The following TYW1 variants were observed in gnomAD, a reference collection of about 807,000 sequenced individuals.
TYW1 encodes the protein tRNA-yW synthesizing protein 1 homolog.
Under a neutral mutation model 96.2 loss-of-function variants are expected in TYW1, and 46 were observed. The observed-to-expected ratio is 0.48, with a 90% CI of 0.38 to 0.61. The LOEUF (loss-of-function observed/expected upper bound fraction) is 0.61. TYW1 is among the 20% of genes least tolerant of loss of function. The pLI is 0.00. For synonymous variants in TYW1, 274 were observed against 323.0 expected (o/e 0.85, Z 1.63); for missense variants, 684 against 909.6 (o/e 0.75, Z 3.19).
intron 13 of TYW1, among the ~76,000 whole-genome samples, chr7:67,141,760 G>T (rs573836311): frequency 6.6e-6 from 1 of 152,346 alleles, no homozygotes; most frequent in African/African-American, 2.4e-5. Context: ...ATGAGGCCAG[G>T]CATGGTGGCT....
chr7:67,229,538 CA>C (rs56827871), intron 15 of TYW1, among the ~76,000 whole-genome samples: 50,721 of 138,948 alleles, frequency 0.37, 9,524 homozygotes, highest in African/African-American at 0.54. Context: ...GACTCCATCT[CA>C]AAAAAAAAAA....
At chr7:66,997,779 C>T (rs1437055612) in intron 1 of TYW1, among the ~76,000 whole-genome samples, 1 of 152,070 alleles carries the variant, frequency 6.6e-6, no homozygotes, top group African/African-American at 2.4e-5. Flanking sequence ...CAGGTGCGCG[C>T]CACCACGCCC....
chr7:67,015,832 G>A (rs1282272872), intron 5 of TYW1, among the ~76,000 whole-genome samples: 1 of 151,790 alleles, frequency 6.6e-6, no homozygotes, highest in Non-Finnish European at 1.5e-5. Flanking sequence ...GTGTGGTGGC[G>A]GGTGCCTGTA....
intron 7 of TYW1, among the ~76,000 whole-genome samples, chr7:67,045,351 C>G (rs1161852088): frequency 2.0e-5 from 3 of 151,858 alleles, no homozygotes; most frequent in African/African-American, 7.3e-5. Flanking sequence ...GCTCAGATGA[C>G]AGGCACATGC....
intron 15 of TYW1, among the ~76,000 whole-genome samples, chr7:67,234,489 T>C (rs1801826245): frequency 6.6e-6 from 1 of 151,904 alleles, no homozygotes; most frequent in African/African-American, 2.4e-5. Context: ...AAGAGAGCCC[T>C]CACCAGAAAC....
intron 11 of TYW1, among the ~76,000 whole-genome samples, chr7:67,096,183 A>T (rs977104025): frequency 6.6e-6 from 1 of 152,148 alleles, no homozygotes; most frequent in African/African-American, 2.4e-5. Flanking sequence ...AGGTCAGGAG[A>T]TCGAGACCAT....
chr7:67,013,929 G>A (rs1290023795), intron 4 of TYW1, among the ~76,000 whole-genome samples: 29 of 151,876 alleles, frequency 1.9e-4, no homozygotes, highest in Admixed American at 1.2e-3. Context: ...ATTTTTAGTA[G>A]AGACGAGGTT....
chr7:67,193,507 C>T (rs1800287847), intron 14 of TYW1, among the ~76,000 whole-genome samples: 1 of 152,152 alleles, frequency 6.6e-6, no homozygotes, highest in Admixed American at 6.5e-5. Flanking sequence ...CATCTGTAAT[C>T]CCAGCACATA....
intron 10 of TYW1, 47 bp downstream of exon 10, chr7:67,067,450 T>C (rs1281683739): frequency 2.5e-6 from 4 of 1,603,842 alleles, no homozygotes; most frequent in Non-Finnish European, 3.4e-6. Context: ...TAATGAGCTG[T>C]GGTAATCAAT....
At chr7:67,222,420 G>A (rs530112194) in intron 15 of TYW1, among the ~76,000 whole-genome samples, 22 of 152,086 alleles carry the variant, frequency 1.4e-4, no homozygotes, top group African/African-American at 5.3e-4. Context: ...TTGTTTATTT[G>A]GAAATGTCTT....
rs541301998 is a variant in TYW1, at chr7:67,094,367, C to T, written c.1385-4174C>T. On this transcript the variant is annotated intron_variant, in intron 11 of 15. Coordinates refer to ENST00000359626, the MANE Select transcript of TYW1 (RefSeq NM_018264.4). ...ATTTCTTTTCCTTTGGTTAGATACC[C>T]GGTAATGGGTTGCTAGGTTGGATGG... 9.9e-5 allele frequency among the ~76,000 whole-genome samples: 15 copies of T among 152,046 alleles called. No individual in the cohort carries two copies. The South Asian group carries it at 1.9e-3, about 19-fold the overall frequency.
chr7:67,037,520 A>G (rs1290589551), intron 7 of TYW1, among the ~76,000 whole-genome samples: 4 of 151,814 alleles, frequency 2.6e-5, no homozygotes, highest in Admixed American at 1.3e-4. Flanking sequence ...AAAAAAAAAA[A>G]AAGATAATCC....
intron 9 of TYW1, among the ~76,000 whole-genome samples, chr7:67,063,673 G>A (rs1458013316): frequency 6.6e-6 from 1 of 151,688 alleles, no homozygotes; most frequent in Non-Finnish European, 1.5e-5. Context: ...GCGCGATCTC[G>A]GCTCACTGCA....
chr7:67,180,388 ATATATATATATATATATT>A (rs892349101), intron 13 of TYW1, among the ~76,000 whole-genome samples: 1 of 111,994 alleles, frequency 8.9e-6, no homozygotes, highest in African/African-American at 4.0e-5. Context: ...CTGTTGGTTT[ATATATATATATATATATT>A]TATATATATA....
At chr7:67,137,532 C>G (rs1798304056) in intron 13 of TYW1, among the ~76,000 whole-genome samples, 1 of 152,152 alleles carries the variant, frequency 6.6e-6, no homozygotes, top group South Asian at 2.1e-4. Context: ...GACAGCCTAC[C>G]TAACAGGAAA....
rs1225873413 is a variant in TYW1 at position 67,238,728 on chromosome 7, C to T, written c.*199C>T. ...GGGCCACAGCCCCGATGTTTCTTTT[C>T]AGAACTCAGCCCCTTTCCTGATTTT... On this transcript the variant is annotated 3_prime_UTR_variant, in exon 16 of 16. Coordinates refer to ENST00000359626, the MANE Select transcript of TYW1 (RefSeq NM_018264.4). The T allele has an allele frequency of 2.1e-6, 3 of 1,407,106 alleles. No homozygotes were observed. The African/African-American group carries it at 4.3e-5, about 20-fold the overall frequency. The allele number at this position is 1,407,106 out of a possible 1,614,324, so 87.2% of individuals were successfully genotyped here. A position where few individuals can be genotyped will look rare whatever the true frequency, so the allele number is the denominator to read the frequency against.
intron 13 of TYW1, among the ~76,000 whole-genome samples, chr7:67,123,476 G>A (rs1444497763): frequency 6.6e-6 from 1 of 152,130 alleles, no homozygotes; most frequent in Non-Finnish European, 1.5e-5. Context: ...ACCTAATATC[G>A]TTTTAGAGAA....
chr7:67,160,522 G>A (rs200062570), intron 13 of TYW1, among the ~76,000 whole-genome samples: 4 of 145,492 alleles, frequency 2.7e-5, no homozygotes, highest in Non-Finnish European at 4.5e-5. Flanking sequence ...TAAGGTATGT[G>A]TATACATATA....
At chr7:67,225,481 T>C (rs1801531598) in intron 15 of TYW1, among the ~76,000 whole-genome samples, 1 of 152,246 alleles carries the variant, frequency 6.6e-6, no homozygotes, top group Middle Eastern at 3.4e-3. Flanking sequence ...TTTTTGGAGA[T>C]AATAAAACTT....
Sources: gnomAD v4.1 joint callset for allele counts (sites outside exome capture counted in the v4.1 genomes callset) on GRCh38, gnomAD v4.1.1 for gene constraint, MANE v1.5 for transcripts, NCBI Gene and HGNC (gene_info 2026-07-23, HGNC 2026-07-21) for gene names.